ZNF678: variants seen among roughly 807,000 people sequenced by gnomAD.
ZNF678 encodes hypothetical protein MGC42493.
In ZNF678, 5 loss-of-function variants were observed where a neutral mutation model predicts 3.0. That is an observed-to-expected ratio of 1.69 (90% confidence interval 0.88 to 3.56). ZNF678 has a LOEUF of 3.56. ZNF678 is among the 30% of genes most tolerant of loss of function. The probability of loss-of-function intolerance (pLI) is 0.00; values close to 1 mark genes in which losing one functional copy is unlikely to be tolerated. For synonymous variants in ZNF678, 218 were observed against 199.6 expected, an observed-to-expected ratio of 1.09 and a Z score of -0.78; for missense variants, 593 against 605.0, an observed-to-expected ratio of 0.98 and a Z score of 0.21.
At chr1:227,613,513 C>T (rs760242494) in intron 1 of ZNF678, among the ~76,000 whole-genome samples, 19 of 152,164 alleles carry the variant, frequency 1.2e-4, no homozygotes, top group Non-Finnish European at 2.6e-4. Context: ...GTGGCAGTTA[C>T]GACATTGCTG....
intron 1 of ZNF678, among the ~76,000 whole-genome samples, chr1:227,594,732 G>A (rs1184965019): frequency 6.6e-6 from 1 of 151,888 alleles, no homozygotes; most frequent in Admixed American, 6.6e-5. Context: ...ACAATTCTTT[G>A]ACATGCCTCA....
chr1:227,633,115 C>T (rs1428415630), intron 1 of ZNF678, among the ~76,000 whole-genome samples: 2 of 152,162 alleles, frequency 1.3e-5, no homozygotes, highest in South Asian at 2.1e-4. Flanking sequence ...GTGGTGGACA[C>T]CCTGCCGGAT....
intron 5 of ZNF678, among the ~76,000 whole-genome samples, chr1:227,675,141 GATA>G (rs956105700): frequency 1.3e-5 from 2 of 152,132 alleles, no homozygotes; most frequent in Non-Finnish European, 1.5e-5. Context: ...GCCTTTGGGA[GATA>G]ATAAGGTTTA....
chr1:227,616,049 T>C (rs1658133771), intron 1 of ZNF678, among the ~76,000 whole-genome samples: 1 of 152,180 alleles, frequency 6.6e-6, no homozygotes, highest in African/African-American at 2.4e-5. Flanking sequence ...AAGGTGCCCT[T>C]CTAGAGGATA....
Position 227,661,692 on chromosome 1 carries a change from G to A in ZNF678, c.*5864G>A, listed in dbSNP as rs1350185312. The A allele has an allele frequency of 6.6e-6, 1 of 152,180 alleles. No homozygotes were observed. The highest frequency in any genetic ancestry group is 1.5e-5 in the Non-Finnish European group (1 of 68,054). 9.4% of individuals were successfully genotyped at this position (152,180 alleles called of 1,614,324 possible). On this transcript the variant is annotated 3_prime_UTR_variant, in exon 4 of 4. Transcript: ENST00000343776. Reference sequence around the variant, plus strand: ...ACATTGGGGACATCTCCAAGTCACAGCCAATAGGTGGCAGTCATCAGTGTG... The same window carrying A: ...ACATTGGGGACATCTCCAAGTCACAACCAATAGGTGGCAGTCATCAGTGTG...
intron 1 of ZNF678, among the ~76,000 whole-genome samples, chr1:227,644,972 G>T (rs1403245908): frequency 6.6e-6 from 1 of 152,152 alleles, no homozygotes; most frequent in African/African-American, 2.4e-5. Flanking sequence ...AGGTCACAGG[G>T]CCTGCTCTCT....
At chr1:227,675,518 A>C (rs1200131620) in intron 5 of ZNF678, among the ~76,000 whole-genome samples, 1 of 152,230 alleles carries the variant, frequency 6.6e-6, no homozygotes, top group Non-Finnish European at 1.5e-5. Context: ...AATTCTTTGC[A>C]ATATGTGAAA....
intron 2 of ZNF678, among the ~76,000 whole-genome samples, chr1:227,647,280 A>G (rs578040710): frequency 6.6e-6 from 1 of 152,296 alleles, no homozygotes; most frequent in African/African-American, 2.4e-5. Context: ...AAAAGAACCT[A>G]TACATTTAAA....
chr1:227,614,654 T>C (rs1658100665), intron 1 of ZNF678, among the ~76,000 whole-genome samples: 1 of 152,204 alleles, frequency 6.6e-6, no homozygotes, highest in Non-Finnish European at 1.5e-5. Flanking sequence ...CTAGCGCTTA[T>C]TCAGCGCTCC....
chr1:227,599,150 C>T (rs1657670297), intron 1 of ZNF678: 1 of 1,303,556 alleles, frequency 7.7e-7, no homozygotes, highest in South Asian at 1.2e-5. Context: ...GAACATATTC[C>T]TCCAGTTCTA....
chr1:227,654,365 T>C lies in ZNF678; in HGVS notation c.115T>C (p.Leu39=). The part of the protein sequence containing the change: ...AILSYSIQDL[L]PEQDMKDLCQ... ...TTTATCTTATTCCATTCAAGACCTT[T>C]TGCCAGAGCAGGATATGAAAGATTT... The change falls in exon 4 of 4, where the codon TTG becomes CTG. Residue 39 remains leucine (L), a synonymous_variant. Transcript: ENST00000343776. The C allele has an allele frequency of 1.9e-6, 3 of 1,575,008 alleles. No homozygotes were observed. The highest frequency in any genetic ancestry group is 2.6e-6 in the Non-Finnish European group (3 of 1,165,030).
At chr1:227,582,354 C>A (rs1558131993) in intron 1 of ZNF678, among the ~76,000 whole-genome samples, 4 of 151,980 alleles carry the variant, frequency 2.6e-5, no homozygotes, top group Non-Finnish European at 5.9e-5. Flanking sequence ...TACTCTGTCA[C>A]CCTTGGTGAA....
chr1:227,636,020 C>T (rs899327454), intron 1 of ZNF678, among the ~76,000 whole-genome samples: 2 of 152,114 alleles, frequency 1.3e-5, no homozygotes, highest in African/African-American at 4.8e-5. Flanking sequence ...TCTTAAGAGA[C>T]GGGATGGTAT....
chr1:227,566,393 G>C (rs186190492), intron 1 of ZNF678, among the ~76,000 whole-genome samples: 2 of 152,350 alleles, frequency 1.3e-5, no homozygotes, highest in Non-Finnish European at 2.9e-5. Context: ...GACTTGTGAA[G>C]GGAGAAAAAC....
At chr1:227,675,179 C>T (rs1456718320) in intron 5 of ZNF678, among the ~76,000 whole-genome samples, 2 of 152,058 alleles carry the variant, frequency 1.3e-5, no homozygotes, top group Admixed American at 6.6e-5. Flanking sequence ...GTAGGGCCAA[C>T]ATGATGGAAT....
chr1:227,573,702 C>T lies in ZNF678; in HGVS notation c.-164+9978C>T, dbSNP rs1407429583. Among the ~76,000 whole-genome samples, 8 of 96,788 alleles carry T rather than the reference C, an allele frequency of 8.3e-5. No homozygotes were observed. In the East Asian group the frequency reaches 1.9e-3, roughly 22 times the overall value. 63.5% of individuals were successfully genotyped at this position (96,788 alleles called of 152,430 possible). On this transcript the variant is annotated intron_variant, in intron 1 of 3. Transcript: ENST00000343776. ...TTTGTAACTTTTAAGTTCAGGGGTA[C>T]ATGTGCAGGTTTGTTACATAGGTAA... is the stretch of plus-strand genomic sequence containing the variant.
chr1:227,599,971 T>C (rs1657693892), intron 1 of ZNF678, among the ~76,000 whole-genome samples: 1 of 152,224 alleles, frequency 6.6e-6, no homozygotes, highest in African/African-American at 2.4e-5. Context: ...ATCCTTTTGC[T>C]GTCTACCCTC....
chr1:227,612,265 A>T (rs1658039130), intron 1 of ZNF678, among the ~76,000 whole-genome samples: 1 of 152,174 alleles, frequency 6.6e-6, no homozygotes, highest in South Asian at 2.1e-4. Context: ...TTGGTTCTCA[A>T]AGTGAGGGCC....
intron 1 of ZNF678, among the ~76,000 whole-genome samples, chr1:227,630,977 T>C (rs1446467736): frequency 7.3e-6 from 1 of 136,660 alleles, no homozygotes; most frequent in Non-Finnish European, 1.5e-5. Flanking sequence ...TTACAATTTA[T>C]ACTTCCCTCA....
Sources: gnomAD v4.1 joint callset for allele counts (sites outside exome capture counted in the v4.1 genomes callset) on GRCh38, gnomAD v4.1.1 for gene constraint, MANE v1.5 for transcripts, NCBI Gene and HGNC (gene_info 2026-07-23, HGNC 2026-07-21) for gene names.